The following GAS2 variants were observed in gnomAD, a reference collection of about 807,000 sequenced individuals.
The protein encoded by GAS2 is growth arrest specific 2.
A neutral mutation model predicts 37.5 loss-of-function variants in GAS2; 20 were observed. The ratio of observed to expected loss-of-function variants is 0.53; its 90% CI spans 0.37 to 0.77. GAS2 has a LOEUF of 0.77. Ranked by LOEUF, GAS2 falls within the 30% of genes least tolerant of loss-of-function variation. The pLI is 0.00. For synonymous variants in GAS2, 144 were observed against 132.2 expected, an observed-to-expected ratio of 1.09 and a Z score of -0.61; for missense variants, 336 against 373.4, an observed-to-expected ratio of 0.90 and a Z score of 0.82.
At chr11:22,736,001 T>TG in intron 4 of GAS2, among the ~76,000 whole-genome samples, 1 of 62,116 alleles carries the variant, frequency 1.6e-5, no homozygotes, top group Non-Finnish European at 3.9e-5. Context: ...ACCATGGATA[T>TG]GTTAAAAAAA....
intron 7 of GAS2, among the ~76,000 whole-genome samples, chr11:22,789,452 A>ATT (rs1242735681): frequency 1.3e-5 from 1 of 74,240 alleles, no homozygotes; most frequent in African/African-American, 5.2e-5. Context: ...ATATATATAT[A>ATT]TATTCTTTTT....
At chr11:22,698,845 GTTAA>G (rs1181285285) in intron 3 of GAS2, among the ~76,000 whole-genome samples, 1 of 152,156 alleles carries the variant, frequency 6.6e-6, no homozygotes, top group East Asian at 1.9e-4. Flanking sequence ...CATTCATGCA[GTTAA>G]TTAATAAGAA....
chr11:22,793,228 C>T lies in GAS2; in HGVS notation c.724-18570C>T, dbSNP rs549861027. On this transcript the variant is annotated intron_variant, in intron 7 of 7. Transcript: ENST00000454584. ...GGCAGAGATTGCAGTGAACTGAGAT[C>T]GTGCCACTGCACTCCAGCCTGGATG... 3.9e-5 allele frequency among the ~76,000 whole-genome samples: 6 copies of T among 152,064 alleles called. No individual in the cohort carries two copies. In the East Asian group the frequency reaches 7.7e-4, roughly 20 times the overall value.
In GAS2 at chr11:22,764,771, G is replaced by A. The variant is rs1345238255; in HGVS notation, c.723+8818G>A. 3.3e-5 allele frequency among the ~76,000 whole-genome samples: 5 copies of A among 151,976 alleles called. No individual in the cohort carries two copies. The East Asian group carries it at 9.7e-4, about 29-fold the overall frequency. ...TGTGAAAAACAATAAATAAATAGAA[G>A]CTCAAAACCAAAAATTATTCTTCAT... On this transcript the variant is annotated intron_variant, in intron 7 of 7. Transcript: ENST00000454584.
intron 1 of GAS2, among the ~76,000 whole-genome samples, chr11:22,630,615 T>C (rs1252902259): frequency 2.6e-5 from 4 of 152,192 alleles, no homozygotes; most frequent in Non-Finnish European, 4.4e-5. Flanking sequence ...TAAGGTGTCC[T>C]TTTGCCAATT....
intron 3 of GAS2, among the ~76,000 whole-genome samples, chr11:22,721,390 G>A (rs1427737280): frequency 6.6e-6 from 1 of 151,914 alleles, no homozygotes; most frequent in Non-Finnish European, 1.5e-5. Context: ...AGGACATACT[G>A]CAGCATATAT....
intron 1 of GAS2, among the ~76,000 whole-genome samples, chr11:22,633,727 A>G (rs1201072865): frequency 6.6e-6 from 1 of 152,214 alleles, no homozygotes; most frequent in East Asian, 1.9e-4. Context: ...TTCCCCAACC[A>G]GGCCAGCAGG....
rs192789929 is a variant in GAS2, at chr11:22,739,869, G to A, written c.473+2101G>A. 1.8e-3 allele frequency among the ~76,000 whole-genome samples: 280 copies of A among 151,984 alleles called. 3 individuals carry two copies. Among genetic ancestry groups the A allele is most frequent in the African/African-American group, 5.9e-3 (244 of 41,472 alleles). On this transcript the variant is annotated intron_variant, in intron 5 of 7. Transcript: ENST00000454584. ...AGTTGTGATACAGAAGTAAAGAGAC[G>A]GGGTTATACTGTCTCTAGAATTAGG... is the stretch of plus-strand genomic sequence containing the variant.
intron 1 of GAS2, among the ~76,000 whole-genome samples, chr11:22,638,640 G>C (rs531130370): frequency 5.4e-4 from 82 of 152,118 alleles, no homozygotes; most frequent in African/African-American, 1.8e-3. Flanking sequence ...GCCGTTGCAC[G>C]CAGCTTGCTA....
At chr11:22,628,431 C>T (rs756735781) in intron 1 of GAS2, among the ~76,000 whole-genome samples, 1 of 152,052 alleles carries the variant, frequency 6.6e-6, no homozygotes, top group South Asian at 2.1e-4. Flanking sequence ...GTACTGTGTG[C>T]CATGAATACC....
chr11:22,678,922 T>C (rs1849554618), intron 2 of GAS2, among the ~76,000 whole-genome samples: 1 of 152,044 alleles, frequency 6.6e-6, no homozygotes, highest in African/African-American at 2.4e-5. Flanking sequence ...TTTAAATTCC[T>C]AGGCATAGGA....
intron 7 of GAS2, among the ~76,000 whole-genome samples, chr11:22,759,689 T>G (rs1278158564): frequency 6.6e-6 from 1 of 152,240 alleles, no homozygotes; most frequent in African/African-American, 2.4e-5. Flanking sequence ...TTCTGATTTC[T>G]GCAGTAACAG....
At chr11:22,640,290 G>A (rs1425761471) in intron 1 of GAS2, among the ~76,000 whole-genome samples, 1 of 152,158 alleles carries the variant, frequency 6.6e-6, no homozygotes, top group Non-Finnish European at 1.5e-5. Context: ...ATGTAACAAT[G>A]TATGTATATT....
intron 1 of GAS2, among the ~76,000 whole-genome samples, chr11:22,640,861 C>T (rs1858901372): frequency 6.6e-6 from 1 of 152,058 alleles, no homozygotes; most frequent in Admixed American, 6.6e-5. Flanking sequence ...GGCATTCTAA[C>T]ACTATTAGCT....
intron 7 of GAS2, among the ~76,000 whole-genome samples, chr11:22,762,479 A>T (rs979524954): frequency 3.3e-5 from 5 of 152,154 alleles, no homozygotes; most frequent in Non-Finnish European, 7.4e-5. Context: ...CAAACCTATA[A>T]CACATTCCAC....
intron 1 of GAS2, among the ~76,000 whole-genome samples, chr11:22,645,276 G>A (rs1422082015): frequency 6.6e-6 from 1 of 152,054 alleles, no homozygotes; most frequent in Non-Finnish European, 1.5e-5. Context: ...TTGGGAGGCC[G>A]AGATGGGCAG....
At chr11:22,699,905 C>CT (rs1295127930) in intron 3 of GAS2, among the ~76,000 whole-genome samples, 1 of 152,120 alleles carries the variant, frequency 6.6e-6, no homozygotes, top group Non-Finnish European at 1.5e-5. Flanking sequence ...ATCATGGCTT[C>CT]ATACCTTGAT....
chr11:22,661,604 T>C (rs1001347543), intron 1 of GAS2, among the ~76,000 whole-genome samples: 3 of 152,158 alleles, frequency 2.0e-5, no homozygotes, highest in African/African-American at 7.2e-5. Context: ...AATTAAGCTT[T>C]CCCTAGAAGA....
At chr11:22,627,012 C>G (rs185494313) in intron 1 of GAS2, among the ~76,000 whole-genome samples, 38 of 152,264 alleles carry the variant, frequency 2.5e-4, no homozygotes, top group African/African-American at 6.0e-4. Context: ...AGGCTGGTCT[C>G]GAACTTCTGA....
Sources: gnomAD v4.1 joint callset for allele counts (sites outside exome capture counted in the v4.1 genomes callset) on GRCh38, gnomAD v4.1.1 for gene constraint, MANE v1.5 for transcripts, NCBI Gene and HGNC (gene_info 2026-07-23, HGNC 2026-07-21) for gene names.